Variants in HNRNPL observed in about 807,000 individuals in gnomAD.
The protein encoded by HNRNPL is heterogeneous nuclear ribonucleoprotein L, also known as epididymis secretory sperm binding protein.
In HNRNPL, 12 loss-of-function variants were observed where a neutral mutation model predicts 64.0. The ratio of observed to expected loss-of-function variants is 0.19; its 90% confidence interval spans 0.12 to 0.30. HNRNPL has a LOEUF of 0.30. Ranked by LOEUF, HNRNPL falls within the 10% of genes least tolerant of loss-of-function variation. The pLI is 1.00. For synonymous variants in HNRNPL, 385 were observed against 313.0 expected (o/e 1.23, Z -2.43); for missense variants, 484 against 797.4 (o/e 0.61, Z 4.73).
Position 38,838,878 on chromosome 19 carries a change from G to C in HNRNPL, c.1355+16C>G. ...TCCCCTGTACCTCTGCTGCCCTCCC[G>C]AGCCTGAGCACCTACCAGACATTCA... On this transcript the variant is annotated intron_variant, in intron 9 of 12. Transcript: ENST00000221419. The C allele has an allele frequency of 1.2e-6, 2 of 1,613,898 alleles. No homozygotes were observed. The highest frequency in any genetic ancestry group is 2.2e-5 in the South Asian group (2 of 91,040).
chr19:38,847,684 G>A (rs1197249595), intron 1 of HNRNPL: 9 of 274,462 alleles, frequency 3.3e-5, no homozygotes, highest in Middle Eastern at 9.7e-4. Context: ...AAGGTATAAC[G>A]GAGGGAGGGC....
intron 6 of HNRNPL, chr19:38,843,637 C>A: frequency 1.7e-6 from 1 of 585,762 alleles, no homozygotes; most frequent in Non-Finnish European, 3.1e-6. Flanking sequence ...TGAGCAGCAT[C>A]GGAGGGCCCC....
chr19:38,850,645 C>T (rs929459082), upstream of HNRNPL, among the ~76,000 whole-genome samples: 1 of 152,200 alleles, frequency 6.6e-6, no homozygotes, highest in African/African-American at 2.4e-5. Flanking sequence ...AGAGGCGGGG[C>T]CCCCTTATGG....
chr19:38,849,091 T>C (rs1972405013), intron 1 of HNRNPL, among the ~76,000 whole-genome samples: 1 of 152,312 alleles, frequency 6.6e-6, no homozygotes, highest in South Asian at 2.1e-4. Flanking sequence ...GTAAGCAAAC[T>C]TGTGATGGTT....
In HNRNPL at chr19:38,843,858, G is replaced by A. The variant is rs776687180; in HGVS notation, c.864C>T (p.Pro288=). ...CAAGATTACCTTGTCCACTGAGATT[G>A]GGGTTTGTGTAGTCCCAAGTATCCT... ...NDQDTWDYTN[P]NLSGQGDPGS... The change falls in exon 6 of 13, where the codon CCC becomes CCT. Residue 288 remains proline, a synonymous_variant. Transcript: ENST00000221419. 1.9e-6 allele frequency: 3 copies of A among 1,613,730 alleles called. No individual in the cohort carries two copies. The highest frequency in any genetic ancestry group is 3.3e-5 in the Admixed American group (2 of 60,006).
chr19:38,838,847 T>G, intron 9 of HNRNPL, 47 bp downstream of exon 9: 1 of 1,612,018 alleles, frequency 6.2e-7, no homozygotes, highest in East Asian at 2.2e-5. Flanking sequence ...TTCCCCTCCT[T>G]TTCTCTCCCC....
At chr19:38,840,053 AC>A in intron 8 of HNRNPL, 42 bp downstream of exon 8, 2 of 1,600,134 alleles carry the variant, frequency 1.2e-6, no homozygotes, top group Non-Finnish European at 1.7e-6. Context: ...CTGGCAAGAT[AC>A]GAGGCTCAGC....
chr19:38,845,718 G>A lies in HNRNPL; in HGVS notation c.642C>T (p.Ile214=), dbSNP rs368381708. 23 of 1,613,898 alleles carry A rather than the reference G, an allele frequency of 1.4e-5. No homozygotes were observed. In the African/African-American group the frequency reaches 1.5e-4, roughly 10 times the overall value. ...TCTGGACAGGGCCACAAGGATTACA[G>A]ATAGTGTAAAGAACATCCTGCAAAA... ...YSITTDVLYT[I]CNPCGPVQRI... Residue 214 remains isoleucine (I), a synonymous_variant, in exon 4 of 13, where the codon ATC becomes ATT. Coordinates refer to ENST00000221419, the MANE Select transcript of HNRNPL (RefSeq NM_001533.3).
chr19:38,839,660 T>G, intron 8 of HNRNPL: 1 of 186,840 alleles, frequency 5.4e-6, no homozygotes, highest in South Asian at 8.9e-5. Flanking sequence ...CCCAGACGGG[T>G]TTAATGTTAA....
chr19:38,849,970 G>A lies in HNRNPL; in HGVS notation c.-4C>T, dbSNP rs1972456894. On this transcript the variant is annotated 5_prime_UTR_variant, in exon 1 of 13. Transcript: ENST00000221419. ...GGGGCAGCAGCCTCCGCGACATGGC[G>A]GCGCAGAACCCGCCTCCCCCCGCCT... is the stretch of plus-strand genomic sequence containing the variant. 2 of 1,331,072 alleles carry A rather than the reference G, an allele frequency of 1.5e-6. No homozygotes were observed. Among genetic ancestry groups the A allele is most frequent in the African/African-American group, 1.5e-5 (1 of 65,062 alleles). The allele number at this position is 1,331,072 out of a possible 1,614,324, so 82.5% of individuals were successfully genotyped here.
chr19:38,841,730 C>T (rs373407078), intron 6 of HNRNPL: 1 of 786,830 alleles, frequency 1.3e-6, no homozygotes, highest in Non-Finnish European at 1.9e-6. Flanking sequence ...CGGTACACAT[C>T]CGCTACAATT....
At chr19:38,843,108 G>C (rs182172568) in intron 6 of HNRNPL, among the ~76,000 whole-genome samples, 1 of 152,254 alleles carries the variant, frequency 6.6e-6, no homozygotes, top group African/African-American at 2.4e-5. Context: ...TGCGATGTCA[G>C]CATCGAGCCT....
upstream of HNRNPL, chr19:38,850,150 C>T (rs1568377278): frequency 6.1e-6 from 3 of 492,302 alleles, no homozygotes; most frequent in Non-Finnish European, 1.1e-5. Context: ...CCTTGTTTGT[C>T]TGAGACACTC....
Position 38,847,313 on chromosome 19 carries a change from T to C in HNRNPL, c.386+3A>G. On this transcript the variant is annotated splice_donor_region_variant and intron_variant, in intron 2 of 12. Coordinates refer to ENST00000221419, the MANE Select transcript of HNRNPL (RefSeq NM_001533.3). ...CCCAACACCTGGCCTCTGAGCCCAG[T>C]ACCTGATGGGTCCAAACTCCTGCAA... 1 of 1,445,654 alleles carries C rather than the reference T, an allele frequency of 6.9e-7. No individual in the cohort carries two copies. Among genetic ancestry groups the C allele is most frequent in the Non-Finnish European group, 9.2e-7 (1 of 1,081,798 alleles). 89.6% of individuals were successfully genotyped at this position (1,445,654 alleles called of 1,614,324 possible). A position where few individuals can be genotyped will look rare whatever the true frequency, so the allele number is the denominator to read the frequency against.
chr19:38,837,087 C>CA, intron 12 of HNRNPL: 1 of 549,876 alleles, frequency 1.8e-6, no homozygotes, highest in Non-Finnish European at 3.2e-6. Flanking sequence ...TCCTAGGTAA[C>CA]AGAGTGGCTT....
intron 8 of HNRNPL, 58 bp from the exon 9 acceptor site, chr19:38,839,073 G>GC: frequency 6.2e-7 from 1 of 1,601,592 alleles, no homozygotes; most frequent in South Asian, 1.1e-5. Context: ...CCCCTCTCCT[G>GC]CCCCTCCCAA....
intron 12 of HNRNPL, 56 bp downstream of exon 12, chr19:38,837,328 G>A: frequency 2.1e-6 from 3 of 1,424,446 alleles, no homozygotes; most frequent in South Asian, 1.1e-5. Context: ...CTGGCCTGAA[G>A]CCAGCCAACC....
upstream of HNRNPL, chr19:38,851,200 T>C (rs1236786257): frequency 6.6e-6 from 1 of 152,404 alleles, no homozygotes; most frequent in Non-Finnish European, 1.5e-5. Context: ...GTTCTTGTGA[T>C]CTGTGCCTGC....
rs2278010 is a variant in HNRNPL at position 38,837,505 on chromosome 19, A to G, written c.1616-26T>C. The G allele has an allele frequency of 3.7e-6, 6 of 1,613,562 alleles. No individual in the cohort carries two copies. The East Asian group carries it at 1.3e-4, about 36-fold the overall frequency. On this transcript the variant is annotated intron_variant, in intron 11 of 12. Transcript: ENST00000221419. ...CTGATTGCAAACCAAGGGGAAAAGT[A>G]AAGGTTTTAGACTCACCCAATAGGA...
Sources: allele counts gnomAD v4.1 joint callset (sites outside exome capture counted in the v4.1 genomes callset), GRCh38; gene constraint gnomAD v4.1.1; transcripts MANE v1.5; gene names NCBI Gene and HGNC (gene_info 2026-07-23, HGNC 2026-07-21).